Variants in THBS4 observed in about 807,000 individuals in gnomAD.
The protein encoded by THBS4 is thrombospondin-4.
A neutral mutation model predicts 115.7 loss-of-function variants in THBS4; 90 were observed. The observed-to-expected ratio is 0.78, with a 90% CI of 0.66 to 0.93. The LOEUF is 0.93. Among genes scored for constraint, THBS4 ranks in the 40% least tolerant of loss-of-function variants. The probability of loss-of-function intolerance (pLI) is 0.00; values close to 1 mark genes in which losing one functional copy is unlikely to be tolerated. For synonymous variants in THBS4, 460 were observed against 479.3 expected (o/e 0.96, Z 0.53); for missense variants, 1,087 against 1,232.7 (o/e 0.88, Z 1.77).
rs543162617 is a variant in THBS4, at chr5:80,004,974, G to T, written n.177+6547G>T. Among the ~76,000 whole-genome samples the T allele has an allele frequency of 2.0e-5, 3 of 152,120 alleles. No individual in the cohort carries two copies. In the South Asian group the frequency reaches 6.2e-4, roughly 32 times the overall value. On this transcript the variant is annotated intron_variant and non_coding_transcript_variant, in intron 2 of 3. Transcript: ENST00000510218. ...GCTGGTCTCAAACTTTTGACTTCAG[G>T]TGATCCACCCTCCTTGGCCTCCCAA...
intron 13 of THBS4, 165 bp from the exon 14 acceptor site, chr5:80,072,113 C>A (rs1834082352): frequency 1.5e-6 from 1 of 669,552 alleles, no homozygotes; most frequent in Admixed American, 2.3e-5. Context: ...TTTTAAGTCT[C>A]CCAGAATCCG....
chr5:80,067,773 G>A (rs186305206), intron 9 of THBS4, 200 bp from the exon 10 acceptor site: 70 of 545,864 alleles, frequency 1.3e-4, no homozygotes, highest in Non-Finnish European at 1.6e-4. Context: ...CTGAGTGGCC[G>A]GACGCAGCCT....
At chr5:80,022,963 AT>A (rs1304243537) in intron 2 of THBS4, among the ~76,000 whole-genome samples, 1 of 152,090 alleles carries the variant, frequency 6.6e-6, no homozygotes, top group Non-Finnish European at 1.5e-5. Flanking sequence ...TCCCCTTAAG[AT>A]TTAGGATAGA....
Position 80,059,487 on chromosome 5 carries a change from T to A in THBS4, c.780T>A (p.Ala260=). 6.2e-7 allele frequency: 1 copy of A among 1,614,148 alleles called. No individual in the cohort carries two copies. The highest frequency in any genetic ancestry group is 8.5e-7 in the Non-Finnish European group (1 of 1,180,022). ...FLRNTIAECQ[A]CGPLKFQSPT... is the part of the protein sequence containing the mutation. Reference sequence around the variant, plus strand: ...GAAACACCATAGCTGAATGCCAGGCTTGCGGTAAGTGCTTTTCTAGTAATG... The same window carrying A: ...GAAACACCATAGCTGAATGCCAGGCATGCGGTAAGTGCTTTTCTAGTAATG... The change falls in exon 6 of 22, where the codon GCT becomes GCA. Residue 260 remains alanine, a synonymous_variant. Transcript: ENST00000350881.
At position 80,071,873 on chromosome 5, in the gene THBS4, G is replaced by T. The variant is rs17882230; in HGVS notation, c.1721-405G>T. 643 of 183,522 alleles carry T rather than the reference G, an allele frequency of 3.5e-3. 5 individuals carry two copies. The highest frequency in any genetic ancestry group is 0.012 in the African/African-American group (509 of 43,400). The allele number at this position is 183,522 out of a possible 1,614,324, so 11.4% of individuals were successfully genotyped here. A position where few individuals can be genotyped will look rare whatever the true frequency, so the allele number is the denominator to read the frequency against. Reference sequence around the variant, plus strand: ...ATTGCTGATTTCAAGCTACCAATGTGACATCATCAAACACAAAACTGAAAA... The same window carrying T: ...ATTGCTGATTTCAAGCTACCAATGTTACATCATCAAACACAAAACTGAAAA... On this transcript the variant is annotated intron_variant, in intron 13 of 21. Coordinates refer to ENST00000350881, the MANE Select transcript of THBS4 (RefSeq NM_003248.6).
chr5:80,059,371 G>C (rs1833545575), intron 5 of THBS4, 69 bp from the exon 6 acceptor site: 2 of 1,451,918 alleles, frequency 1.4e-6, no homozygotes, highest in Admixed American at 1.7e-5. Context: ...GCTCCACATG[G>C]ATTCTTTCAT....
chr5:80,029,217 C>T (rs1423351522), intron 2 of THBS4, among the ~76,000 whole-genome samples: 2 of 152,186 alleles, frequency 1.3e-5, no homozygotes, highest in Non-Finnish European at 2.9e-5. Flanking sequence ...CATATTAATT[C>T]ATTACACTCC....
chr5:80,067,803 A>C, intron 9 of THBS4, 170 bp from the exon 10 acceptor site: 1 of 688,780 alleles, frequency 1.5e-6, no homozygotes, highest in Non-Finnish European at 2.3e-6. Flanking sequence ...TGGTGTTTTC[A>C]TCAACATTCA....
intron 20 of THBS4, chr5:80,082,122 A>G (rs1217324540): frequency 5.5e-6 from 2 of 362,132 alleles, no homozygotes; most frequent in African/African-American, 4.1e-5. Flanking sequence ...TGATAGTGTG[A>G]CCAACATCAT....
chr5:80,073,375 G>A, intron 15 of THBS4, 48 bp downstream of exon 15: 1 of 1,568,164 alleles, frequency 6.4e-7, no homozygotes, highest in Non-Finnish European at 8.7e-7. Flanking sequence ...AACATCCGGA[G>A]AGGGTTTTTG....
intron 14 of THBS4, 132 bp from the exon 15 acceptor site, chr5:80,073,143 G>A: frequency 1.2e-6 from 1 of 829,374 alleles, no homozygotes; most frequent in Non-Finnish European, 2.0e-6. Flanking sequence ...TTGTCCTTTT[G>A]CAGTTTTGCA....
intron 2 of THBS4, among the ~76,000 whole-genome samples, chr5:80,006,563 C>G (rs1212065992): frequency 6.6e-6 from 1 of 152,224 alleles, no homozygotes; most frequent in Non-Finnish European, 1.5e-5. Flanking sequence ...CACCTCTGCT[C>G]TAGTTCTTTT....
chr5:80,054,401 A>G (rs1406566286), intron 2 of THBS4, among the ~76,000 whole-genome samples: 1 of 148,594 alleles, frequency 6.7e-6, no homozygotes, highest in East Asian at 2.0e-4. Flanking sequence ...GCTCACTGCA[A>G]CCTCCACCTC....
At chr5:80,020,715 C>T (rs1157843940) in intron 2 of THBS4, among the ~76,000 whole-genome samples, 1 of 152,204 alleles carries the variant, frequency 6.6e-6, no homozygotes, top group East Asian at 1.9e-4. Flanking sequence ...GCTCTGAGTC[C>T]TGGTTGCATA....
At chr5:80,081,547 A>AACAG (rs1278570789) in intron 20 of THBS4, among the ~76,000 whole-genome samples, 1 of 152,376 alleles carries the variant, frequency 6.6e-6, no homozygotes, top group African/African-American at 2.4e-5. Flanking sequence ...GTGACATTCT[A>AACAG]ACAGACTGTT....
intron 2 of THBS4, among the ~76,000 whole-genome samples, chr5:80,024,964 C>G (rs555673542): frequency 6.6e-6 from 1 of 152,240 alleles, no homozygotes; most frequent in Non-Finnish European, 1.5e-5. Flanking sequence ...GAAGGTTGTT[C>G]AATCTCCCTG....
chr5:80,007,446 G>T (rs1281498197), intron 2 of THBS4, among the ~76,000 whole-genome samples: 1 of 152,194 alleles, frequency 6.6e-6, no homozygotes, highest in African/African-American at 2.4e-5. Flanking sequence ...GGGCATCCCT[G>T]TGCCTCCTGG....
Position 80,070,734 on chromosome 5 carries a change from G to A in THBS4, c.1544G>A (p.Gly515Glu), listed in dbSNP as rs1208606006. The change falls in exon 12 of 22, where the codon GGG becomes GAG. Residue 515 changes from glycine (G) to glutamate (E), a missense_variant. This residue lies in a region of THBS4 where 979 missense variants were observed against 1,103.7 expected (regional missense o/e 0.89). Coordinates refer to ENST00000350881, the MANE Select transcript of THBS4 (RefSeq NM_003248.6). Reference sequence around the variant, plus strand: ...TGTGACGAGGATGCTGACGGAGATGGGATCCTGAATGAGCAGGTACCTGCT... The same window carrying A: ...TGTGACGAGGATGCTGACGGAGATGAGATCCTGAATGAGCAGGTACCTGCT... Reference protein sequence around the residue: ...DACDEDADGDGILNEQDNCVL... With the variant: ...DACDEDADGDEILNEQDNCVL... 6.2e-7 allele frequency: 1 copy of A among 1,614,186 alleles called. No individual in the cohort carries two copies.
chr5:80,078,113 C>T lies in THBS4; in HGVS notation c.2151C>T (p.Asp717=), dbSNP rs764809718. 2.8e-5 allele frequency: 45 copies of T among 1,611,636 alleles called. No homozygotes were observed. The East Asian group carries it at 7.4e-4, about 26-fold the overall frequency. Residue 717 remains aspartate (D), a synonymous_variant, in exon 17 of 22, where the codon GAC becomes GAT. Transcript: ENST00000350881. ...AGGACCAGGTCATCGATCGGATCGACGTCTGCCCAGAGAACGCAGAGGTCA... is the reference window on the plus strand; with the variant it reads ...AGGACCAGGTCATCGATCGGATCGATGTCTGCCCAGAGAACGCAGAGGTCA... ...FDQDQVIDRI[D]VCPENAEVTL...
Sources: gnomAD v4.1 joint callset for allele counts (sites outside exome capture counted in the v4.1 genomes callset) on GRCh38, gnomAD v4.1.1 for gene constraint, gnomAD v4.1.1 regional missense constraint, MANE v1.5 for transcripts, NCBI Gene and HGNC (gene_info 2026-07-23, HGNC 2026-07-21) for gene names.